Variants in PTPRD observed in about 807,000 individuals in gnomAD.
PTPRD encodes the protein receptor-type tyrosine-protein phosphatase delta.
Under a neutral mutation model 214.5 loss-of-function variants are expected in PTPRD, and 34 were observed. The ratio of observed to expected loss-of-function variants is 0.16; its 90% CI spans 0.12 to 0.21. The LOEUF is 0.21. PTPRD is among the 10% of genes least tolerant of loss of function. PTPRD has a pLI of 1.00. For synonymous variants in PTPRD, 1,128 were observed against 845.7 expected, an observed-to-expected ratio of 1.33 and a Z score of -5.79; for missense variants, 2,545 against 2,398.7, an observed-to-expected ratio of 1.06 and a Z score of -1.27.
rs142911755 is a variant in PTPRD at position 9,608,406 on chromosome 9, G to T, written c.-286-33625C>A. ...TACTAAAAGTTTTTAAATCTAGGCT[G>T]TCCAGTAAGGGAAAATTTCTATTCT... On this transcript the variant is annotated intron_variant, in intron 7 of 45. Coordinates refer to ENST00000381196, the MANE Select transcript of PTPRD (RefSeq NM_002839.4). 2.0e-4 allele frequency among the ~76,000 whole-genome samples: 31 copies of T among 152,230 alleles called. 1 individual carries two copies. The highest frequency in any genetic ancestry group is 6.5e-4 in the African/African-American group (27 of 41,538).
intron 7 of PTPRD, among the ~76,000 whole-genome samples, chr9:9,578,045 CAAAAAAAAAA>C (rs34128512): frequency 8.8e-5 from 9 of 102,422 alleles, no homozygotes; most frequent in African/African-American, 1.1e-4. Flanking sequence ...GACTCTGTCT[CAAAAAAAAAA>C]AAAAAAAAAA....
At chr9:9,280,426 T>C (rs1038065043) in intron 9 of PTPRD, among the ~76,000 whole-genome samples, 1 of 151,304 alleles carries the variant, frequency 6.6e-6, no homozygotes, top group Admixed American at 6.6e-5. Flanking sequence ...AAGTGATTAT[T>C]GAAAGGTTGC....
intron 3 of PTPRD, among the ~76,000 whole-genome samples, chr9:10,300,822 G>C (rs1421808210): frequency 1.3e-5 from 2 of 152,128 alleles, no homozygotes; most frequent in African/African-American, 4.8e-5. Flanking sequence ...GGGGGAAGGG[G>C]CGGCTGTGGG....
At chr9:8,667,122 T>C (rs1438235238) in intron 12 of PTPRD, among the ~76,000 whole-genome samples, 1 of 152,170 alleles carries the variant, frequency 6.6e-6, no homozygotes, top group Non-Finnish European at 1.5e-5. Flanking sequence ...GCAGATGACC[T>C]GAAGTCAGGA....
intron 9 of PTPRD, among the ~76,000 whole-genome samples, chr9:9,205,775 C>T (rs959738944): frequency 6.6e-6 from 1 of 152,110 alleles, no homozygotes; most frequent in Non-Finnish European, 1.5e-5. Flanking sequence ...ATGTAGAATG[C>T]CTACTTTATT....
At chr9:10,343,409 G>C (rs921184135) in intron 2 of PTPRD, among the ~76,000 whole-genome samples, 3 of 152,078 alleles carry the variant, frequency 2.0e-5, no homozygotes, top group African/African-American at 4.8e-5. Flanking sequence ...CCAAGTCTTT[G>C]CTGTTGTGAA....
intron 9 of PTPRD, among the ~76,000 whole-genome samples, chr9:9,232,599 T>C (rs1017419477): frequency 1.3e-5 from 2 of 152,132 alleles, no homozygotes; most frequent in African/African-American, 4.8e-5. Context: ...ATATAAATAA[T>C]AGAAATGCAA....
intron 5 of PTPRD, among the ~76,000 whole-genome samples, chr9:9,887,831 T>C (rs2071554733): frequency 6.6e-6 from 1 of 152,016 alleles, no homozygotes; most frequent in Non-Finnish European, 1.5e-5. Flanking sequence ...CTGATTCAGC[T>C]GACACGTATT....
intron 2 of PTPRD, among the ~76,000 whole-genome samples, chr9:10,435,406 A>C (rs1566016227): frequency 6.6e-6 from 1 of 151,854 alleles, no homozygotes; most frequent in Non-Finnish European, 1.5e-5. Flanking sequence ...ATTCAATTTC[A>C]CAGAAAGAAA....
chr9:9,704,569 G>GAAC (rs1250109619), intron 7 of PTPRD, among the ~76,000 whole-genome samples: 1 of 152,086 alleles, frequency 6.6e-6, no homozygotes, highest in African/African-American at 2.4e-5. Context: ...AGACTTATGT[G>GAAC]AACAACAACA....
At chr9:8,682,498 C>A (rs551686030) in intron 12 of PTPRD, among the ~76,000 whole-genome samples, 2 of 152,144 alleles carry the variant, frequency 1.3e-5, no homozygotes, top group African/African-American at 4.8e-5. Context: ...CTGTGGTACA[C>A]AACATATACA....
intron 9 of PTPRD, among the ~76,000 whole-genome samples, chr9:9,322,350 T>C (rs752082455): frequency 6.6e-6 from 1 of 152,286 alleles, no homozygotes; most frequent in East Asian, 1.9e-4. Context: ...CATACATAAT[T>C]CACAATTTTC....
At chr9:8,417,883 T>C (rs1346610059) in intron 35 of PTPRD, among the ~76,000 whole-genome samples, 3 of 152,114 alleles carry the variant, frequency 2.0e-5, no homozygotes, top group African/African-American at 7.2e-5. Flanking sequence ...AACAATGAAA[T>C]TTCAAAAACT....
intron 11 of PTPRD, among the ~76,000 whole-genome samples, chr9:8,746,814 C>A (rs113286063): frequency 6.6e-6 from 1 of 152,030 alleles, no homozygotes; most frequent in Non-Finnish European, 1.5e-5. Flanking sequence ...GGCAACATAA[C>A]AAGACCCCAT....
At chr9:9,425,573 C>G (rs945027488) in intron 8 of PTPRD, among the ~76,000 whole-genome samples, 33 of 54,646 alleles carry the variant, frequency 6.0e-4, no homozygotes, top group Non-Finnish European at 1.2e-3. Context: ...TCAGAATAGA[C>G]AGTTCACAGG....
At chr9:10,166,629 C>G (rs968370561) in intron 3 of PTPRD, among the ~76,000 whole-genome samples, 4 of 151,964 alleles carry the variant, frequency 2.6e-5, no homozygotes, top group African/African-American at 7.2e-5. Flanking sequence ...TCAGCATAAA[C>G]TCTGCTGTGA....
chr9:8,542,286 A>G (rs927075221), intron 14 of PTPRD, among the ~76,000 whole-genome samples: 2 of 152,240 alleles, frequency 1.3e-5, no homozygotes, highest in Non-Finnish European at 2.9e-5. Flanking sequence ...TTTTAACTGC[A>G]TTATGAAAAA....
At chr9:10,035,679 C>T (rs2097167705) in intron 3 of PTPRD, among the ~76,000 whole-genome samples, 1 of 152,110 alleles carries the variant, frequency 6.6e-6, no homozygotes, top group Non-Finnish European at 1.5e-5. Context: ...TCTCACCACC[C>T]TGCTAATTAA....
intron 6 of PTPRD, among the ~76,000 whole-genome samples, chr9:9,760,109 T>C (rs574477863): frequency 5.3e-5 from 8 of 152,274 alleles, no homozygotes; most frequent in African/African-American, 1.9e-4. Flanking sequence ...AAGGATCTCG[T>C]TACAAAGTGG....
Sources: allele counts gnomAD v4.1 joint callset (sites outside exome capture counted in the v4.1 genomes callset), GRCh38; gene constraint gnomAD v4.1.1; transcripts MANE v1.5; gene names NCBI Gene and HGNC (gene_info 2026-07-23, HGNC 2026-07-21).